CSMD1: variants seen among roughly 807,000 people sequenced by gnomAD.
CSMD1 encodes CUB and sushi domain-containing protein 1.
CSMD1 carries 213 observed loss-of-function variants against 417.5 expected under a neutral mutation model. The observed-to-expected ratio is 0.51, with a 90% confidence interval of 0.46 to 0.57. CSMD1 has a LOEUF of 0.57. Ranked by LOEUF, CSMD1 falls within the 20% of genes least tolerant of loss-of-function variation. The probability of loss-of-function intolerance (pLI) is 0.00; values close to 1 mark genes in which losing one functional copy is unlikely to be tolerated. For synonymous variants in CSMD1, 2,862 were observed against 1,736.8 expected (o/e 1.65, Z -16.11); for missense variants, 6,923 against 4,529.7 (o/e 1.53, Z -15.17).
chr8:4,029,630 C>G (rs939047073), intron 4 of CSMD1, among the ~76,000 whole-genome samples: 2 of 152,128 alleles, frequency 1.3e-5, no homozygotes, highest in Non-Finnish European at 1.5e-5. Context: ...GGTAGGGACA[C>G]AGCCAAACCA....
At chr8:4,943,664 A>G (rs532781917) in intron 1 of CSMD1, among the ~76,000 whole-genome samples, 85 of 152,348 alleles carry the variant, frequency 5.6e-4, no homozygotes, top group Non-Finnish European at 1.1e-3. Context: ...TATCCTATCT[A>G]GAACTTTGCA....
chr8:3,229,561 C>G (rs1798708683), intron 27 of CSMD1, among the ~76,000 whole-genome samples: 1 of 152,080 alleles, frequency 6.6e-6, no homozygotes, highest in Admixed American at 6.6e-5. Flanking sequence ...CTCCTTTTAT[C>G]TTCATTTTAA....
chr8:3,893,339 T>TTATATATGTATATATA (rs1231999334), intron 5 of CSMD1, among the ~76,000 whole-genome samples: 2 of 80,460 alleles, frequency 2.5e-5, no homozygotes, highest in East Asian at 3.3e-4. Context: ...ATTCACAATT[T>TTATATATGTATATATA]TATATATATA....
intron 3 of CSMD1, among the ~76,000 whole-genome samples, chr8:4,388,079 G>C (rs1414012686): frequency 6.6e-6 from 1 of 152,098 alleles, no homozygotes; most frequent in Non-Finnish European, 1.5e-5. Flanking sequence ...ACTAATGTCA[G>C]AAGTAAACCA....
chr8:4,242,884 A>C (rs1194422525), intron 3 of CSMD1, among the ~76,000 whole-genome samples: 1 of 152,236 alleles, frequency 6.6e-6, no homozygotes, highest in Non-Finnish European at 1.5e-5. Flanking sequence ...GAAATATTAA[A>C]GTCATTAAAA....
rs541260247 is a variant in CSMD1 at position 3,808,522 on chromosome 8, G to A, written c.819-54480C>T. On this transcript the variant is annotated intron_variant, in intron 5 of 69. Transcript: ENST00000635120. ...GAAGAAAGACTAAGAGCATGCTACC[G>A]TGGTGAATTTACATGCAAAGTCTGT... Among the ~76,000 whole-genome samples, 16 of 152,230 alleles carry A rather than the reference G, an allele frequency of 1.1e-4. No individual in the cohort carries two copies. The East Asian group carries it at 1.5e-3, about 15-fold the overall frequency.
chr8:3,057,450 ATGTG>A (rs1484391672), intron 49 of CSMD1, among the ~76,000 whole-genome samples: 1 of 152,104 alleles, frequency 6.6e-6, no homozygotes, highest in Non-Finnish European at 1.5e-5. Flanking sequence ...ATTTGCAGGT[ATGTG>A]TGTGTGTTTG....
At chr8:3,867,225 T>A (rs1805166044) in intron 5 of CSMD1, among the ~76,000 whole-genome samples, 2 of 152,144 alleles carry the variant, frequency 1.3e-5, no homozygotes, top group South Asian at 4.1e-4. Flanking sequence ...AATGCATGAA[T>A]AAATTAGTAA....
At chr8:3,543,404 C>T (rs36039490) in intron 10 of CSMD1, among the ~76,000 whole-genome samples, 3,159 of 152,128 alleles carry the variant, frequency 0.021, 99 homozygotes, top group African/African-American at 0.071. Context: ...GTGTTGAGAA[C>T]AGAATGAACA....
intron 25 of CSMD1, among the ~76,000 whole-genome samples, chr8:3,305,889 C>CCAGGATGATCTTGATCTCCT (rs1274572236): frequency 6.6e-6 from 1 of 152,036 alleles, no homozygotes; most frequent in East Asian, 1.9e-4. Context: ...ACCATGTTAG[C>CCAGGATGATCTTGATCTCCT]CAGGATGATC....
intron 5 of CSMD1, among the ~76,000 whole-genome samples, chr8:3,833,352 A>G (rs1404714930): frequency 6.6e-6 from 1 of 152,124 alleles, no homozygotes; most frequent in African/African-American, 2.4e-5. Context: ...GCCATTTTAT[A>G]TACAACGGCA....
rs148918707 is a variant in CSMD1, at chr8:3,321,710, G to T, written c.3632-13207C>A. ...AGACAATGTGTCTGTAAGTGCTTTT[G>T]ATTCAAATAAAGTAGTAAGCTTCTA... On this transcript the variant is annotated intron_variant, in intron 23 of 69. Transcript: ENST00000635120. Among the ~76,000 whole-genome samples the T allele has an allele frequency of 5.1e-3, 770 of 152,210 alleles. 3 individuals carry two copies. The highest frequency in any genetic ancestry group is 0.018 in the African/African-American group (731 of 41,528).
intron 49 of CSMD1, among the ~76,000 whole-genome samples, chr8:3,063,578 C>G (rs182263427): frequency 2.0e-5 from 3 of 152,282 alleles, no homozygotes; most frequent in East Asian, 1.9e-4. Flanking sequence ...TGAAAGCAAT[C>G]GAAGTGTCTG....
At chr8:4,177,275 C>T (rs1418568823) in intron 3 of CSMD1, among the ~76,000 whole-genome samples, 2 of 152,120 alleles carry the variant, frequency 1.3e-5, no homozygotes, top group Non-Finnish European at 2.9e-5. Flanking sequence ...GATTAAGAAA[C>T]TCACTCAAAA....
intron 50 of CSMD1, among the ~76,000 whole-genome samples, chr8:3,047,666 C>A (rs970514291): frequency 5.9e-5 from 9 of 152,210 alleles, no homozygotes; most frequent in Non-Finnish European, 1.0e-4. Flanking sequence ...CCCCAACCAA[C>A]GACTTAAAAC....
At chr8:4,918,212 G>A (rs1242434012) in intron 1 of CSMD1, among the ~76,000 whole-genome samples, 1 of 152,228 alleles carries the variant, frequency 6.6e-6, no homozygotes, top group East Asian at 1.9e-4. Context: ...GGATGATGCT[G>A]ATCGAGGGAT....
At chr8:4,394,861 G>C (rs1042687878) in intron 3 of CSMD1, among the ~76,000 whole-genome samples, 2 of 152,188 alleles carry the variant, frequency 1.3e-5, no homozygotes, top group East Asian at 1.9e-4. Context: ...GGGCTAGAGA[G>C]TCCGATACAA....
intron 3 of CSMD1, among the ~76,000 whole-genome samples, chr8:4,125,844 G>A (rs895314217): frequency 6.6e-6 from 1 of 152,112 alleles, no homozygotes; most frequent in Non-Finnish European, 1.5e-5. Context: ...TGTCCAGTCT[G>A]CTTTGCAGGA....
rs185027947 is a variant in CSMD1, at chr8:2,942,563, C to T, written c.10444G>A (p.Gly3482Ser). Residue 3482 changes from glycine to serine, a missense_variant, in exon 69 of 70, where the codon GGC becomes AGC. Coordinates refer to ENST00000635120, the MANE Select transcript of CSMD1 (RefSeq NM_033225.6). The stretch of plus-strand genomic sequence containing the variant: ...GCCGCCACAGAGCCACTGCTGGTGC[C>T]GTGGTAATGACTGGAAGAGTCTTGA... ...PDQDSSSHYH[G>S]TSSGSVAAAI... The T allele has an allele frequency of 3.2e-5, 52 of 1,605,064 alleles. No homozygotes were observed. The East Asian group carries it at 8.7e-4, about 27-fold the overall frequency.
Sources: allele counts gnomAD v4.1 joint callset (sites outside exome capture counted in the v4.1 genomes callset), GRCh38; gene constraint gnomAD v4.1.1; transcripts MANE v1.5; gene names NCBI Gene and HGNC (gene_info 2026-07-23, HGNC 2026-07-21).